The following LCOR variants were observed in gnomAD, a reference collection of about 807,000 sequenced individuals.
LCOR encodes the protein ligand dependent nuclear receptor corepressor.
Under a neutral mutation model 64.4 loss-of-function variants are expected in LCOR, and 14 were observed. The ratio of observed to expected loss-of-function variants is 0.22; its 90% confidence interval spans 0.14 to 0.34. The LOEUF (loss-of-function observed/expected upper bound fraction) is 0.34. LCOR is among the 10% of genes least tolerant of loss of function. LCOR has a pLI of 1.00. For synonymous variants in LCOR, 643 were observed against 642.5 expected (o/e 1.00, Z -0.01); for missense variants, 1,686 against 1,765.3 (o/e 0.96, Z 0.80).
Position 96,995,179 on chromosome 10 carries a change from G to A in LCOR, c.*10045G>A, listed in dbSNP as rs1827003966. 1 of 152,268 alleles carries A rather than the reference G, an allele frequency of 6.6e-6. No individual in the cohort carries two copies. Among genetic ancestry groups the A allele is most frequent in the African/African-American group, 2.4e-5 (1 of 41,458 alleles). The allele number at this position is 152,268 out of a possible 1,614,324, so 9.4% of individuals were successfully genotyped here. A position where few individuals can be genotyped will look rare whatever the true frequency, so the allele number is the denominator to read the frequency against. On this transcript the variant is annotated 3_prime_UTR_variant, in exon 8 of 8. Coordinates refer to ENST00000421806, the MANE Select transcript of LCOR (RefSeq NM_001346516.2). This position sits in a 1 kb window ranked among gnomAD's most constrained non-coding sequence, Gnocchi z 4.2. ...AATGAATCTCTACCGTTCCTTTAAA[G>A]GTCTTTCTGGTTCCTCCCAGTGTTG... is the stretch of plus-strand genomic sequence containing the variant.
At chr10:96,907,817 G>T (rs1439905659) in intron 4 of LCOR, 70 bp downstream of exon 4, 1 of 420,456 alleles carries the variant, frequency 2.4e-6, no homozygotes, top group Non-Finnish European at 3.2e-6. Flanking sequence ...AAAACATTGT[G>T]TTACTTTGTT....
At chr10:96,884,144 T>C (rs977114753) in intron 2 of LCOR, among the ~76,000 whole-genome samples, 1 of 152,228 alleles carries the variant, frequency 6.6e-6, no homozygotes, top group African/African-American at 2.4e-5. Context: ...TATACTAAGC[T>C]GTTATCTGCC....
intron 4 of LCOR, among the ~76,000 whole-genome samples, chr10:96,930,256 C>T (rs1440022276): frequency 6.6e-6 from 1 of 152,144 alleles, no homozygotes; most frequent in South Asian, 2.1e-4. Context: ...TCTGTCCTTA[C>T]ACCAGTACCA....
chr10:96,956,142 T>C, intron 7 of LCOR: 1 of 1,355,822 alleles, frequency 7.4e-7, no homozygotes, highest in Non-Finnish European at 9.5e-7. Context: ...GCCTTTTGCA[T>C]GTTTCTCTAC....
chr10:96,896,641 C>G (rs1846542124), intron 2 of LCOR, among the ~76,000 whole-genome samples: 1 of 152,062 alleles, frequency 6.6e-6, no homozygotes, highest in Non-Finnish European at 1.5e-5. Context: ...CCAGGCTGGT[C>G]TTGAACTCCT....
chr10:96,943,901 C>CA, intron 4 of LCOR, among the ~76,000 whole-genome samples: 1 of 151,866 alleles, frequency 6.6e-6, no homozygotes, highest in East Asian at 1.9e-4. Flanking sequence ...AACTCATAGT[C>CA]AAAAAAAGAA....
At chr10:96,930,106 A>T (rs1315801916) in intron 4 of LCOR, among the ~76,000 whole-genome samples, 1 of 152,182 alleles carries the variant, frequency 6.6e-6, no homozygotes, top group Non-Finnish European at 1.5e-5. Flanking sequence ...AAGTGGTGTC[A>T]CCATATGCTC....
chr10:96,967,713 G>GA (rs753168603), intron 7 of LCOR, among the ~76,000 whole-genome samples: 49 of 151,832 alleles, frequency 3.2e-4, no homozygotes, highest in South Asian at 1.0e-3. Context: ...TTTTCTAAAG[G>GA]AAAAAAAAGA....
chr10:96,914,477 G>A (rs1256411789), intron 4 of LCOR, among the ~76,000 whole-genome samples: 5 of 152,236 alleles, frequency 3.3e-5, no homozygotes, highest in African/African-American at 7.2e-5. Flanking sequence ...GATTACAGGC[G>A]CGAGCCACCG....
At chr10:96,894,605 A>G (rs1278212952) in intron 2 of LCOR, among the ~76,000 whole-genome samples, 1 of 152,224 alleles carries the variant, frequency 6.6e-6, no homozygotes, top group Non-Finnish European at 1.5e-5. Context: ...AATTTTGTAT[A>G]TAAATCTGAA....
intron 4 of LCOR, among the ~76,000 whole-genome samples, chr10:96,910,327 A>G (rs1446327329): frequency 6.6e-6 from 1 of 152,218 alleles, no homozygotes; most frequent in Non-Finnish European, 1.5e-5. Flanking sequence ...TAATTTTTCC[A>G]TTTGACAGCT....
chr10:96,834,094 G>C (rs143266663), intron 2 of LCOR, among the ~76,000 whole-genome samples: 4 of 152,270 alleles, frequency 2.6e-5, no homozygotes, highest in Non-Finnish European at 5.9e-5. Flanking sequence ...GAAAAATCAG[G>C]TAACCTTTAC....
chr10:96,922,484 C>T (rs866189544), intron 4 of LCOR, among the ~76,000 whole-genome samples: 4 of 152,112 alleles, frequency 2.6e-5, no homozygotes, highest in South Asian at 2.1e-4. Flanking sequence ...CTTTATAATG[C>T]GATTGCCTCA....
At chr10:96,939,379 C>A (rs4919060) in intron 4 of LCOR, among the ~76,000 whole-genome samples, 59,267 of 152,064 alleles carry the variant, frequency 0.39, 17,691 homozygotes, top group African/African-American at 0.83. Context: ...CCTAAAAGTA[C>A]GCCCTAAAAG....
intron 7 of LCOR, chr10:96,958,677 A>G: frequency 2.2e-6 from 1 of 464,842 alleles, no homozygotes; most frequent in Non-Finnish European, 3.9e-6. Context: ...ATCAGTCATG[A>G]CTTGATATTC....
At chr10:96,876,723 C>T (rs536527303) in intron 2 of LCOR, among the ~76,000 whole-genome samples, 27 of 152,070 alleles carry the variant, frequency 1.8e-4, no homozygotes, top group African/African-American at 6.5e-4. Flanking sequence ...GAGTTTCGCT[C>T]TTGTTGCCCA....
chr10:96,905,610 C>G (rs2134451157), intron 2 of LCOR, among the ~76,000 whole-genome samples: 1 of 152,176 alleles, frequency 6.6e-6, no homozygotes, highest in South Asian at 2.1e-4. Flanking sequence ...CAGCCCTACC[C>G]CAACCCTTTT....
chr10:96,845,406 G>C (rs1845610238), intron 2 of LCOR, among the ~76,000 whole-genome samples: 1 of 129,468 alleles, frequency 7.7e-6, no homozygotes, highest in South Asian at 2.8e-4. Flanking sequence ...TATTCATCTA[G>C]TAAAGAAGCT....
rs116401749 is a variant in LCOR, at chr10:96,930,430, T to A, written c.-183-13683T>A. On this transcript the variant is annotated intron_variant, in intron 4 of 7. Transcript: ENST00000421806. The stretch of plus-strand genomic sequence containing the variant: ...AATTCTTGAAAAAACCTTTGAGGAT[T>A]TTGATTAGGATTGTATTGAAACTTC... Among the ~76,000 whole-genome samples, 501 of 152,322 alleles carry A rather than the reference T, an allele frequency of 3.3e-3. 3 individuals carry two copies. Among genetic ancestry groups the A allele is most frequent in the African/African-American group, 0.012 (482 of 41,574 alleles).
Sources: allele counts gnomAD v4.1 joint callset (sites outside exome capture counted in the v4.1 genomes callset), GRCh38; gene constraint gnomAD v4.1.1; non-coding constraint Gnocchi (gnomAD v3.1); transcripts MANE v1.5; gene names NCBI Gene and HGNC (gene_info 2026-07-23, HGNC 2026-07-21).